Variants in PCBP3 observed in about 807,000 individuals in gnomAD.
PCBP3 encodes the protein poly(rC)-binding protein 3.
A neutral mutation model predicts 52.7 loss-of-function variants in PCBP3; 25 were observed. That is an observed-to-expected ratio of 0.47 (90% CI 0.35 to 0.66). The LOEUF is 0.66. Ranked by LOEUF, PCBP3 falls within the 30% of genes least tolerant of loss-of-function variation. PCBP3 has a pLI of 0.01. For synonymous variants in PCBP3, 162 were observed against 183.0 expected, an observed-to-expected ratio of 0.89 and a Z score of 0.93; for missense variants, 391 against 490.3, an observed-to-expected ratio of 0.80 and a Z score of 1.91.
intron 15 of PCBP3, among the ~76,000 whole-genome samples, chr21:45,932,623 G>A (rs1164546365): frequency 6.6e-6 from 1 of 151,622 alleles, no homozygotes; most frequent in Admixed American, 6.6e-5. Context: ...GAACACGTCG[G>A]CCGTGCCGTC....
chr21:45,662,651 C>T (rs1042773827), intron 1 of PCBP3, among the ~76,000 whole-genome samples: 1 of 151,750 alleles, frequency 6.6e-6, no homozygotes, highest in African/African-American at 2.4e-5. Flanking sequence ...ACTCTTTATT[C>T]AAATAATATA....
intron 4 of PCBP3, among the ~76,000 whole-genome samples, chr21:45,766,384 G>C (rs564875786): frequency 1.3e-5 from 2 of 152,218 alleles, no homozygotes; most frequent in Admixed American, 6.5e-5. Context: ...GGGTGGGCCC[G>C]AATTTGAGAG....
Position 45,900,370 on chromosome 21 carries a change from T to G in PCBP3, c.190-221T>G, listed in dbSNP as rs964254171. ...GCTGTGTGCCTGTAGGTGGGTGCAC[T>G]TGCATTCCTGGGCCTCAGTTTCCCA... On this transcript the variant is annotated intron_variant, in intron 7 of 17. Transcript: ENST00000681687. 5.9e-5 allele frequency among the ~76,000 whole-genome samples: 9 copies of G among 152,172 alleles called. No individual in the cohort carries two copies. The South Asian group carries it at 6.2e-4, about 10-fold the overall frequency.
intron 6 of PCBP3, among the ~76,000 whole-genome samples, chr21:45,899,168 G>A (rs1473743908): frequency 1.3e-5 from 2 of 152,266 alleles, no homozygotes; most frequent in African/African-American, 2.4e-5. Context: ...ACAGGCTGCC[G>A]TTGGAATAGG....
chr21:45,826,902 C>G (rs1041735085), intron 4 of PCBP3, among the ~76,000 whole-genome samples: 1 of 152,136 alleles, frequency 6.6e-6, no homozygotes, highest in African/African-American at 2.4e-5. Flanking sequence ...GCCACAGCCT[C>G]CCCCGAGTCA....
Position 45,868,552 on chromosome 21 carries a change from G to A in PCBP3, c.10+18457G>A, listed in dbSNP as rs76636709. Reference sequence around the variant, plus strand: ...CACTGAGCCTTAAGGCGTCTGGCCCGCGCATTGAGGAATCCACGTGGGTCT... The same window carrying A: ...CACTGAGCCTTAAGGCGTCTGGCCCACGCATTGAGGAATCCACGTGGGTCT... On this transcript the variant is annotated intron_variant, in intron 5 of 17. Coordinates refer to ENST00000681687, the MANE Select transcript of PCBP3 (RefSeq NM_001384156.1). Among the ~76,000 whole-genome samples the A allele has an allele frequency of 6.6e-5, 10 of 151,926 alleles. No homozygotes were observed. The East Asian group carries it at 7.8e-4, about 12-fold the overall frequency.
chr21:45,813,018 T>TTAA (rs2092724934), intron 4 of PCBP3, among the ~76,000 whole-genome samples: 1 of 152,218 alleles, frequency 6.6e-6, no homozygotes, highest in South Asian at 2.1e-4. Flanking sequence ...CTCTTCTGTT[T>TTAA]TTTTATGGGA....
chr21:45,739,005 G>A (rs11908836), intron 3 of PCBP3, among the ~76,000 whole-genome samples: 21,433 of 70,730 alleles, frequency 0.3, 4,058 homozygotes, highest in Non-Finnish European at 0.37. Flanking sequence ...TCCTGTCCAC[G>A]GTCCTCTGGG....
chr21:45,686,273 G>A (rs1050021414), intron 2 of PCBP3, among the ~76,000 whole-genome samples: 1 of 152,066 alleles, frequency 6.6e-6, no homozygotes, highest in Non-Finnish European at 1.5e-5. Flanking sequence ...TAGAGTTTTG[G>A]CCATCCAGAA....
intron 6 of PCBP3, among the ~76,000 whole-genome samples, chr21:45,896,792 T>C (rs1211495648): frequency 1.4e-5 from 2 of 147,590 alleles, no homozygotes; most frequent in African/African-American, 2.5e-5. Flanking sequence ...GCCTGGGCCA[T>C]TGTCTCTGTA....
At chr21:45,647,146 ATTG>A (rs2079369653) in intron 1 of PCBP3, among the ~76,000 whole-genome samples, 4 of 152,188 alleles carry the variant, frequency 2.6e-5, no homozygotes, top group South Asian at 4.2e-4. Context: ...TAAGCAGTGG[ATTG>A]TTGAGGTGCT....
intron 1 of PCBP3, among the ~76,000 whole-genome samples, chr21:45,644,396 A>G (rs2079119776): frequency 6.6e-6 from 1 of 151,748 alleles, no homozygotes; most frequent in Admixed American, 6.6e-5. Flanking sequence ...GGGCGCGCGC[A>G]GGTCTCTCTT....
intron 2 of PCBP3, among the ~76,000 whole-genome samples, chr21:45,728,950 A>C (rs2085255976): frequency 6.6e-6 from 1 of 152,224 alleles, no homozygotes; most frequent in Non-Finnish European, 1.5e-5. Flanking sequence ...AGTACACCAA[A>C]TTAAAGTGTA....
Position 45,837,915 on chromosome 21 carries a change from G to T in PCBP3, c.-125-12046G>T, listed in dbSNP as rs563634620. On this transcript the variant is annotated intron_variant, in intron 4 of 17. Transcript: ENST00000681687. This position sits in a 1 kb window ranked among gnomAD's most constrained non-coding sequence, Gnocchi z 4.1. ...TTGCCTGGATGCAGTACACATTAGG[G>T]GCTGCAGAACGGTGATTTTCTAATT... Among the ~76,000 whole-genome samples the T allele has an allele frequency of 2.0e-5, 3 of 152,294 alleles. No individual in the cohort carries two copies. The highest frequency in any genetic ancestry group is 4.8e-5 in the African/African-American group (2 of 41,548).
chr21:45,919,103 G>A (rs1301418584), intron 13 of PCBP3: 2 of 147,084 alleles, frequency 1.4e-5, no homozygotes, highest in Non-Finnish European at 3.0e-5. Context: ...AGGCACTGGG[G>A]AGAGGAGAGG....
At chr21:45,726,618 G>A (rs938459219) in intron 2 of PCBP3, among the ~76,000 whole-genome samples, 1 of 152,160 alleles carries the variant, frequency 6.6e-6, no homozygotes, top group Non-Finnish European at 1.5e-5. Flanking sequence ...TCCCTGTGTC[G>A]CAGACAGTGC....
intron 16 of PCBP3, among the ~76,000 whole-genome samples, chr21:45,938,052 C>T (rs988619795): frequency 6.6e-5 from 10 of 152,026 alleles, no homozygotes; most frequent in East Asian, 3.9e-4. Context: ...AGGGAGAGGG[C>T]GGGGTGAGAG....
rs113691404 is a variant in PCBP3 at position 45,846,201 on chromosome 21, G to C, written c.-125-3760G>C. Reference sequence around the variant, plus strand: ...GGGTTCCTTACCAATTTAGGGACTTGTTAGGGAGATATCTAGAACTATATT... The same window carrying C: ...GGGTTCCTTACCAATTTAGGGACTTCTTAGGGAGATATCTAGAACTATATT... On this transcript the variant is annotated intron_variant, in intron 4 of 17. Transcript: ENST00000681687. 1.2e-3 allele frequency among the ~76,000 whole-genome samples: 180 copies of C among 152,310 alleles called. 2 individuals are homozygous for C. Among genetic ancestry groups the C allele is most frequent in the African/African-American group, 4.0e-3 (166 of 41,572 alleles).
chr21:45,912,179 T>C (rs938017809), intron 11 of PCBP3, among the ~76,000 whole-genome samples: 1 of 152,176 alleles, frequency 6.6e-6, no homozygotes, highest in Non-Finnish European at 1.5e-5. Context: ...AGGCTGCCCA[T>C]GCCCCCAGAG....
Sources: gnomAD v4.1 joint callset for allele counts (sites outside exome capture counted in the v4.1 genomes callset) on GRCh38, gnomAD v4.1.1 for gene constraint, Gnocchi (gnomAD v3.1) non-coding constraint, MANE v1.5 for transcripts, NCBI Gene and HGNC (gene_info 2026-07-23, HGNC 2026-07-21) for gene names.